The following CALD1 variants were observed in gnomAD, a reference collection of about 807,000 sequenced individuals.
CALD1 encodes caldesmon 1, also known as caldesmon.
Under a neutral mutation model 99.9 loss-of-function variants are expected in CALD1, and 33 were observed. The ratio of observed to expected loss-of-function variants is 0.33; its 90% CI spans 0.25 to 0.44. The LOEUF (loss-of-function observed/expected upper bound fraction) is 0.44. Ranked by LOEUF, CALD1 falls within the 20% of genes least tolerant of loss-of-function variation. The pLI is 1.00. For synonymous variants in CALD1, 310 were observed against 325.0 expected (o/e 0.95, Z 0.50); for missense variants, 861 against 962.1 (o/e 0.89, Z 1.39).
At position 134,953,741 on chromosome 7, in the gene CALD1, AACGT is replaced by A. The variant is rs1237397814; in HGVS notation, c.1935+3230_1935+3233del. On this transcript the variant is annotated intron_variant, in intron 9 of 14. Transcript: ENST00000361675. ...TTATTTCTTCTCTACCAAATTTCTCAACGTACCTATTTCTCTGGTCTTTCCCTCA... is the reference window on the plus strand; with the variant it reads ...TTATTTCTTCTCTACCAAATTTCTCAACCTATTTCTCTGGTCTTTCCCTCA... Among the ~76,000 whole-genome samples, 3 of 148,644 alleles carry A rather than the reference AACGT, an allele frequency of 2.0e-5. No individual in the cohort carries two copies. The East Asian group carries it at 5.9e-4, about 29-fold the overall frequency.
chr7:134,767,305 T>A lies in CALD1; in HGVS notation c.-130+22942T>A, dbSNP rs556432793. ...CATCTATATCACACAGTTTGCTTAG[T>A]CCAAACAGCCATTTCTCCCCAGTTA... On this transcript the variant is annotated intron_variant, in intron 1 of 13. Coordinates refer to the CALD1 transcript ENST00000417172. Among the ~76,000 whole-genome samples the A allele has an allele frequency of 2.0e-5, 3 of 152,142 alleles. No homozygotes were observed. The South Asian group carries it at 6.2e-4, about 32-fold the overall frequency.
chr7:134,841,103 T>C (rs1586080407), intron 1 of CALD1, among the ~76,000 whole-genome samples: 1 of 152,112 alleles, frequency 6.6e-6, no homozygotes, highest in East Asian at 1.9e-4. Context: ...ATTTTTTTCG[T>C]GGAAAGATGG....
At chr7:134,936,850 T>C (rs548556833) in intron 6 of CALD1, among the ~76,000 whole-genome samples, 1 of 152,312 alleles carries the variant, frequency 6.6e-6, no homozygotes, top group South Asian at 2.1e-4. Flanking sequence ...GCACAGGCCA[T>C]GTAAAGGAAG....
chr7:134,715,954 G>T, the CALD1 span, among the ~76,000 whole-genome samples: 1 of 152,088 alleles, frequency 6.6e-6, no homozygotes, highest in South Asian at 2.1e-4. Flanking sequence ...ATGGTATTTT[G>T]TTTTATTATT....
At chr7:134,789,119 A>T (rs1797422898) in intron 1 of CALD1, among the ~76,000 whole-genome samples, 1 of 151,526 alleles carries the variant, frequency 6.6e-6, no homozygotes, top group African/African-American at 2.4e-5. Flanking sequence ...ATTCCTCATG[A>T]ATTGTATCAT....
intron 1 of CALD1, among the ~76,000 whole-genome samples, chr7:134,789,645 A>G (rs770223857): frequency 3.3e-5 from 5 of 152,162 alleles, no homozygotes; most frequent in Non-Finnish European, 5.9e-5. Context: ...GCTACCTGTT[A>G]GCGTGGGGCT....
chr7:134,894,975 A>G (rs1802455726), intron 3 of CALD1, among the ~76,000 whole-genome samples: 1 of 152,092 alleles, frequency 6.6e-6, no homozygotes, highest in African/African-American at 2.4e-5. Context: ...TGTGTGTTAC[A>G]TTTTGTAACA....
At chr7:134,879,239 T>G (rs1244801824) in intron 3 of CALD1, among the ~76,000 whole-genome samples, 1 of 152,174 alleles carries the variant, frequency 6.6e-6, no homozygotes, top group African/African-American at 2.4e-5. Flanking sequence ...GTTGGACCAA[T>G]GTGGTGGCTG....
At chr7:134,821,107 A>G (rs1416727351) in intron 1 of CALD1, among the ~76,000 whole-genome samples, 1 of 152,184 alleles carries the variant, frequency 6.6e-6, no homozygotes, top group East Asian at 1.9e-4. Flanking sequence ...ACACCATGTA[A>G]ATGTTACATA....
At chr7:134,760,865 G>A (rs191031576) in intron 1 of CALD1, among the ~76,000 whole-genome samples, 4 of 152,070 alleles carry the variant, frequency 2.6e-5, no homozygotes, top group Non-Finnish European at 5.9e-5. Context: ...TTTAACTTTT[G>A]TTTTAGGTTT....
intron 1 of CALD1, among the ~76,000 whole-genome samples, chr7:134,822,473 T>C (rs1019249403): frequency 2.6e-5 from 4 of 152,230 alleles, no homozygotes; most frequent in Non-Finnish European, 4.4e-5. Context: ...TGTATCTATC[T>C]ACAAATTTTA....
At chr7:134,857,279 C>T (rs1444839217) in intron 2 of CALD1, among the ~76,000 whole-genome samples, 1 of 148,796 alleles carries the variant, frequency 6.7e-6, no homozygotes, top group Non-Finnish European at 1.5e-5. Flanking sequence ...CGCCATTCTC[C>T]TGCCTCAGCC....
intron 1 of CALD1, among the ~76,000 whole-genome samples, chr7:134,792,286 CTTTT>C (rs1228341394): frequency 8.1e-6 from 1 of 122,782 alleles, no homozygotes. Flanking sequence ...ATTTCCTCTT[CTTTT>C]TTTTTTTTTT....
chr7:134,768,350 A>C (rs1320508669), intron 1 of CALD1, among the ~76,000 whole-genome samples: 1 of 152,174 alleles, frequency 6.6e-6, no homozygotes, highest in Non-Finnish European at 1.5e-5. Flanking sequence ...CTCTCATTTC[A>C]TCTGCACCCT....
the CALD1 span, among the ~76,000 whole-genome samples, chr7:134,717,532 T>C: frequency 1.3e-5 from 2 of 152,196 alleles, no homozygotes; most frequent in East Asian, 3.8e-4. Flanking sequence ...AATAAGGGGA[T>C]AGAAGGTGGC....
At chr7:134,855,641 G>C (rs1264051296) in intron 2 of CALD1, among the ~76,000 whole-genome samples, 1 of 152,212 alleles carries the variant, frequency 6.6e-6, no homozygotes, top group Admixed American at 6.5e-5. Context: ...GCCACATGTA[G>C]TTCTTGGAAC....
At position 134,836,702 on chromosome 7, in the gene CALD1, G is replaced by A. The variant is rs1799455435; in HGVS notation, c.-129-7182G>A. Among the ~76,000 whole-genome samples, 5 of 152,170 alleles carry A rather than the reference G, an allele frequency of 3.3e-5. No homozygotes were observed. The South Asian group carries it at 8.3e-4, about 25-fold the overall frequency. On this transcript the variant is annotated intron_variant, in intron 1 of 14. Transcript: ENST00000361675. ...ACTGACGTCAGCTACTTTCCCATGA[G>A]AAGTTCAGAAATTTCATAAGACCGC... is the stretch of plus-strand genomic sequence containing the variant.
chr7:134,951,181 G>T (rs1204142604), intron 9 of CALD1, among the ~76,000 whole-genome samples: 1 of 152,110 alleles, frequency 6.6e-6, no homozygotes, highest in Non-Finnish European at 1.5e-5. Context: ...ACCACCCAAA[G>T]GTCTCACCTC....
chr7:134,745,961 C>T (rs935382626), intron 1 of CALD1, among the ~76,000 whole-genome samples: 3 of 152,084 alleles, frequency 2.0e-5, no homozygotes, highest in African/African-American at 7.2e-5. Flanking sequence ...GTGTTATCTA[C>T]CATGGTTGTG....
Sources: allele counts gnomAD v4.1 joint callset (sites outside exome capture counted in the v4.1 genomes callset), GRCh38; gene constraint gnomAD v4.1.1; transcripts MANE v1.5; gene names NCBI Gene and HGNC (gene_info 2026-07-23, HGNC 2026-07-21).